The following PTBP2 variants were observed in gnomAD, a reference collection of about 807,000 sequenced individuals.
PTBP2 encodes polypyrimidine tract binding protein 2, also known as polypyrimidine tract-binding protein 2.
Under a neutral mutation model 61.4 loss-of-function variants are expected in PTBP2, and 13 were observed. The observed-to-expected ratio is 0.21, with a 90% CI of 0.14 to 0.34. The LOEUF is 0.34. Among genes scored for constraint, PTBP2 ranks in the 10% least tolerant of loss-of-function variants. The pLI is 1.00. For synonymous variants in PTBP2, 215 were observed against 218.5 expected (o/e 0.98, Z 0.14); for missense variants, 405 against 642.6 (o/e 0.63, Z 4.00).
chr1:96,815,711 C>G (rs527678665), downstream of PTBP2: 2 of 152,126 alleles, frequency 1.3e-5, no homozygotes, highest in South Asian at 4.2e-4. Context: ...ATTCAGTTAC[C>G]TCCAAGAAAG....
chr1:96,802,981 G>A (rs931413586), intron 8 of PTBP2, among the ~76,000 whole-genome samples: 3 of 151,374 alleles, frequency 2.0e-5, no homozygotes, highest in Non-Finnish European at 4.4e-5. Context: ...AAAAAAAATT[G>A]TTGTGTGTAG....
intron 8 of PTBP2, among the ~76,000 whole-genome samples, chr1:96,791,063 G>T (rs904581465): frequency 7.3e-5 from 11 of 151,590 alleles, no homozygotes; most frequent in African/African-American, 2.7e-4. Context: ...TCATTGAGAG[G>T]ATATACATCT....
rs181730002 is a variant in PTBP2 at position 96,774,597 on chromosome 1, A to C, written c.433-2988A>C. ...CAGGTCCTATTAGTTCACACTTTTTAATTATCTGCCTGGTTTTCTCCATCT... is the reference window on the plus strand; with the variant it reads ...CAGGTCCTATTAGTTCACACTTTTTCATTATCTGCCTGGTTTTCTCCATCT... On this transcript the variant is annotated intron_variant, in intron 5 of 13. Transcript: ENST00000674951. Among the ~76,000 whole-genome samples the C allele has an allele frequency of 1.2e-3, 188 of 152,250 alleles. 1 individual carries two copies. The highest frequency in any genetic ancestry group is 4.4e-3 in the African/African-American group (183 of 41,542).
At chr1:96,778,515 A>G (rs1020967745) in intron 7 of PTBP2, among the ~76,000 whole-genome samples, 3 of 152,054 alleles carry the variant, frequency 2.0e-5, no homozygotes, top group African/African-American at 7.2e-5. Flanking sequence ...CAAGGCTGCC[A>G]CTGAAAACTG....
At chr1:96,789,342 A>G (rs1194188987) in intron 8 of PTBP2, among the ~76,000 whole-genome samples, 2 of 152,094 alleles carry the variant, frequency 1.3e-5, no homozygotes, top group Non-Finnish European at 1.5e-5. Flanking sequence ...GTAAACATGT[A>G]GGTCTTATAG....
intron 3 of PTBP2, among the ~76,000 whole-genome samples, chr1:96,763,165 C>T (rs1367205560): frequency 6.6e-6 from 1 of 152,146 alleles, no homozygotes; most frequent in Non-Finnish European, 1.5e-5. Flanking sequence ...TCCTCACTTC[C>T]CAAACGGGGT....
chr1:96,735,336 G>A (rs1281493089), intron 2 of PTBP2, among the ~76,000 whole-genome samples: 3 of 152,128 alleles, frequency 2.0e-5, no homozygotes, highest in Non-Finnish European at 4.4e-5. Context: ...ACTATTGATG[G>A]TGGACAAGAA....
chr1:96,797,947 G>A (rs1377941175), intron 8 of PTBP2, among the ~76,000 whole-genome samples: 2 of 152,084 alleles, frequency 1.3e-5, no homozygotes, highest in African/African-American at 4.8e-5. Flanking sequence ...GTGGTGGTGG[G>A]TGCCTGTAGT....
chr1:96,805,040 A>AT (rs1248100713), intron 9 of PTBP2, 101 bp downstream of exon 9: 3 of 906,234 alleles, frequency 3.3e-6, no homozygotes, highest in East Asian at 5.4e-5. Flanking sequence ...TTTTATGTAC[A>AT]TTCATTAGTC....
At chr1:96,816,356 T>C (rs1455103060), downstream of PTBP2, 2 of 152,310 alleles carry the variant, frequency 1.3e-5, no homozygotes, top group East Asian at 3.9e-4. Context: ...TGTCGTATAT[T>C]AGTACTCTAT....
At chr1:96,736,047 A>G (rs1250553798) in intron 2 of PTBP2, among the ~76,000 whole-genome samples, 1 of 152,216 alleles carries the variant, frequency 6.6e-6, no homozygotes, top group African/African-American at 2.4e-5. Context: ...AGATAGTGGA[A>G]TAATATTTTC....
chr1:96,738,643 A>G (rs1331018334), intron 2 of PTBP2, among the ~76,000 whole-genome samples: 1 of 152,208 alleles, frequency 6.6e-6, no homozygotes, highest in Non-Finnish European at 1.5e-5. Context: ...TGAGGATAAT[A>G]ATTTCTAACT....
chr1:96,740,766 A>G (rs1652892981), intron 2 of PTBP2, among the ~76,000 whole-genome samples: 1 of 151,570 alleles, frequency 6.6e-6, no homozygotes, highest in African/African-American at 2.4e-5. Context: ...TTTCTTGTTC[A>G]GTGTTATTTT....
chr1:96,813,660 G>GTTTTTTTTT lies in PTBP2; in HGVS notation c.*255_*256insTTTTTTTTT, dbSNP rs1206098827. ...CTGTTTAAAATTTCAGTTTAATTTT[G>GTTTTTTTTT]CTTTTTTTTTTTTTTTTTTTTTCCT... On this transcript the variant is annotated 3_prime_UTR_variant, in exon 14 of 14. Transcript: ENST00000674951. 1 of 138,044 alleles carries GTTTTTTTTT rather than the reference G, an allele frequency of 7.2e-6. No homozygotes were observed. The highest frequency in any genetic ancestry group is 4.4e-5 in the African/African-American group (1 of 22,504). The allele number at this position is 138,044 out of a possible 1,614,324, so 8.6% of individuals were successfully genotyped here. A position where few individuals can be genotyped will look rare whatever the true frequency, so the allele number is the denominator to read the frequency against.
At chr1:96,732,496 A>G (rs911860018) in intron 2 of PTBP2, among the ~76,000 whole-genome samples, 6 of 152,186 alleles carry the variant, frequency 3.9e-5, no homozygotes, top group African/African-American at 1.4e-4. Flanking sequence ...TACACATATT[A>G]AATAGTACAT....
At position 96,785,050 on chromosome 1, in the gene PTBP2, CT is replaced by C; in HGVS notation, c.709-5del. ...TAAGATTGCTGATATGCTTTATTCA[CT>C]TTTACAGGCCCTAGATGGTCAGAAT... On this transcript the variant is annotated splice_region_variant and splice_polypyrimidine_tract_variant and intron_variant, in intron 7 of 13. Transcript: ENST00000674951. 3.3e-6 allele frequency: 5 copies of C among 1,529,278 alleles called. No homozygotes were observed. Among genetic ancestry groups the C allele is most frequent in the Non-Finnish European group, 4.4e-6 (5 of 1,138,872 alleles). The allele number at this position is 1,529,278 out of a possible 1,614,324, so 94.7% of individuals were successfully genotyped here.
intron 3 of PTBP2, among the ~76,000 whole-genome samples, chr1:96,763,754 A>G (rs964243196): frequency 6.6e-6 from 1 of 152,194 alleles, no homozygotes; most frequent in African/African-American, 2.4e-5. Flanking sequence ...TTAATACAAG[A>G]AGTCAGTTTA....
At chr1:96,730,642 CTGA>C (rs1205887227) in intron 2 of PTBP2, among the ~76,000 whole-genome samples, 1 of 152,134 alleles carries the variant, frequency 6.6e-6, no homozygotes, top group Non-Finnish European at 1.5e-5. Context: ...ACTGAATACT[CTGA>C]TGATTCTCTG....
chr1:96,768,843 A>G (rs1019944680), intron 3 of PTBP2, among the ~76,000 whole-genome samples: 5 of 152,040 alleles, frequency 3.3e-5, no homozygotes, highest in Admixed American at 3.3e-4. Context: ...GGAGAGGCTC[A>G]TTGTAGATAA....
Sources: gnomAD v4.1 joint callset for allele counts (sites outside exome capture counted in the v4.1 genomes callset) on GRCh38, gnomAD v4.1.1 for gene constraint, MANE v1.5 for transcripts, NCBI Gene and HGNC (gene_info 2026-07-23, HGNC 2026-07-21) for gene names.